MCM3: variants seen among roughly 807,000 people sequenced by gnomAD.
The protein encoded by MCM3 is minichromosome maintenance complex component 3.
In MCM3, 59 loss-of-function variants were observed where a neutral mutation model predicts 91.3. The observed-to-expected ratio is 0.65, with a 90% CI of 0.52 to 0.80. The LOEUF is 0.80. Among genes scored for constraint, MCM3 ranks in the 30% least tolerant of loss-of-function variants. The pLI, the probability that MCM3 is intolerant of heterozygous loss-of-function variation, is 0.00. For missense variants in MCM3, 919 were observed against 1,035.4 expected (o/e 0.89, Z 1.54); for synonymous variants, 383 against 379.6 (o/e 1.01, Z -0.10).
intron 15 of MCM3, 87 bp downstream of exon 15, chr6:52,266,524 C>A (rs1764654159): frequency 8.2e-7 from 1 of 1,218,842 alleles, no homozygotes; most frequent in Non-Finnish European, 1.2e-6. Flanking sequence ...AAACAGGAGT[C>A]CACAAGAAAA....
chr6:52,282,802 A>ACAAAATCCTTT lies in MCM3; in HGVS notation c.240_250dup (p.Val84GlufsTer21), dbSNP rs1334887658. On this transcript the variant is annotated frameshift_variant, in exon 3 of 17. Coordinates refer to ENST00000596288, the MANE Select transcript of MCM3 (RefSeq NM_002388.6). LOFTEE classifies it high-confidence loss of function. Reference sequence around the variant, plus strand: ...GGCATAGGTAGCATCAATGGAGGCCACAAAATCCTTTAAGGCCCGCTGGAA... The same window carrying ACAAAATCCTTT: ...GGCATAGGTAGCATCAATGGAGGCCACAAAATCCTTTCAAAATCCTTTAAGGCCCGCTGGAA... 1.2e-6 allele frequency: 2 copies of ACAAAATCCTTT among 1,614,028 alleles called. No homozygotes were observed. Among genetic ancestry groups the ACAAAATCCTTT allele is most frequent in the African/African-American group, 2.7e-5 (2 of 74,908 alleles).
intron 16 of MCM3, chr6:52,265,480 C>G (rs1043020900): frequency 5.6e-6 from 1 of 177,614 alleles, no homozygotes; most frequent in Non-Finnish European, 1.2e-5. Flanking sequence ...CGAGCTGATT[C>G]AAGCATTTTA....
intron 7 of MCM3, 88 bp from the exon 8 acceptor site, chr6:52,277,286 CAG>C (rs1382174403): frequency 5.8e-6 from 8 of 1,389,230 alleles, no homozygotes; most frequent in Non-Finnish European, 6.9e-6. Context: ...CTTGACACAA[CAG>C]AGTCACACAG....
rs780705458 is a variant in MCM3 at position 52,282,082 on chromosome 6, A to C, written c.494T>G (p.Leu165Arg). 6.2e-7 allele frequency: 1 copy of C among 1,614,098 alleles called. No homozygotes were observed. The highest frequency in any genetic ancestry group is 1.7e-5 in the Admixed American group (1 of 60,022). ...IERRYSDLTTLVAFPSSSVYP... is the reference protein window; with the variant it reads ...IERRYSDLTTRVAFPSSSVYP... The stretch of plus-strand genomic sequence containing the variant: ...GACAGAGCTGGAGGGAAAGGCCACC[A>C]GGGTGGTGAGATCAGAATAACGTCG... Residue 165 changes from leucine to arginine, a missense_variant, in exon 4 of 17, where the codon CTG (leucine) becomes CGG (arginine). Leu to Arg is a moderately radical substitution (Grantham distance 102). Around this residue, in one of 3 missense-constraint regions of MCM3, gnomAD observed 401 missense variants for 402.7 expected, o/e 1.00. Transcript: ENST00000596288.
intron 1 of MCM3, 61 bp downstream of exon 1, chr6:52,284,536 G>C (rs1766470620): frequency 6.7e-7 from 1 of 1,500,382 alleles, no homozygotes; most frequent in East Asian, 2.4e-5. Context: ...CTGGCTTCCC[G>C]GCCGGGCCGC....
At chr6:52,266,275 C>G in intron 15 of MCM3, 131 bp from the exon 16 acceptor site, 1 of 723,212 alleles carries the variant, frequency 1.4e-6, no homozygotes, top group Non-Finnish European at 2.4e-6. Flanking sequence ...TCCTAGGGTT[C>G]TTATGGGGCC....
chr6:52,265,679 T>C lies in MCM3; in HGVS notation c.2228+396A>G, dbSNP rs1482285566. Among the ~76,000 whole-genome samples the C allele has an allele frequency of 4.6e-5, 7 of 152,148 alleles. 1 individual carries two copies. The highest frequency in any genetic ancestry group is 4.6e-4 in the Admixed American group (7 of 15,278). Reference sequence around the variant, plus strand: ...GTGTCCAGTAAACAAAATTCATAGATAAAAATGTTTCCTAAAACCCTGGTG... The same window carrying C: ...GTGTCCAGTAAACAAAATTCATAGACAAAAATGTTTCCTAAAACCCTGGTG... On this transcript the variant is annotated intron_variant, in intron 16 of 16. Transcript: ENST00000596288.
At position 52,279,538 on chromosome 6, in the gene MCM3, G is replaced by A. The variant is rs1246674556; in HGVS notation, c.593C>T (p.Thr198Ile). 6 of 1,614,000 alleles carry A rather than the reference G, an allele frequency of 3.7e-6. No individual in the cohort carries two copies. Among genetic ancestry groups the A allele is most frequent in the African/African-American group, 2.7e-5 (2 of 74,906 alleles). ...CTCCGGCATCTCCTGGATGGTGATG[G>A]TCTGGTGATCCTTGTAGACAGAAAG... ...YGLSVYKDHQTITIQEMPEKA... is the reference protein window; with the variant it reads ...YGLSVYKDHQIITIQEMPEKA... Residue 198 changes from threonine to isoleucine, a missense_variant, in exon 5 of 17, where the codon ACC becomes ATC. This residue lies in a region of MCM3 where 401 missense variants were observed against 402.7 expected (regional missense o/e 1.00). Transcript: ENST00000596288.
Position 52,283,160 on chromosome 6 carries a change from G to C in MCM3, c.191+134C>G, listed in dbSNP as rs961985978. 1.7e-5 allele frequency: 11 copies of C among 640,308 alleles called. No homozygotes were observed. In the Admixed American group the frequency reaches 2.4e-4, roughly 14 times the overall value. The allele number at this position is 640,308 out of a possible 1,614,324, so 39.7% of individuals were successfully genotyped here. ...TTTGAAAAAAAAAAAAAAAAAAATA[G>C]GTGCAGGTGAGCTACGAGGGCTTGT... On this transcript the variant is annotated intron_variant, in intron 2 of 16. Transcript: ENST00000596288.
At chr6:52,277,432 G>T in intron 7 of MCM3, 103 bp downstream of exon 7, 1 of 1,256,442 alleles carries the variant, frequency 8.0e-7, no homozygotes, top group Non-Finnish European at 1.1e-6. Context: ...CCTTTGATAG[G>T]ACTGAAATAC....
intron 3 of MCM3, 98 bp downstream of exon 3, chr6:52,282,555 C>G: frequency 8.8e-7 from 1 of 1,142,512 alleles, no homozygotes; most frequent in Non-Finnish European, 1.3e-6. Flanking sequence ...TGCTCCACCT[C>G]TTTGAAGCCA....
chr6:52,270,707 A>C (rs1765059195), intron 12 of MCM3, among the ~76,000 whole-genome samples: 1 of 152,158 alleles, frequency 6.6e-6, no homozygotes, highest in Non-Finnish European at 1.5e-5. Context: ...GCTCAGTTCT[A>C]GGTTCAATGA....
At chr6:52,284,546 C>A in intron 1 of MCM3, 51 bp downstream of exon 1, 1 of 1,529,120 alleles carries the variant, frequency 6.5e-7, no homozygotes, top group Non-Finnish European at 8.8e-7. Flanking sequence ...GGCCGGGCCG[C>A]GTCCGCAGGG....
chr6:52,283,532 T>C (rs1766347520), intron 1 of MCM3, 126 bp from the exon 2 acceptor site: 1 of 696,690 alleles, frequency 1.4e-6, no homozygotes, highest in Non-Finnish European at 2.6e-6. Flanking sequence ...CCAGTAAGTA[T>C]GTGCTCATCA....
At chr6:52,282,205 T>G in intron 3 of MCM3, 30 bp from the exon 4 acceptor site, 1 of 1,612,528 alleles carries the variant, frequency 6.2e-7, no homozygotes. Flanking sequence ...ATATATAAAC[T>G]CACCCAACTA....
intron 4 of MCM3, among the ~76,000 whole-genome samples, chr6:52,279,936 T>C (rs1765931720): frequency 6.6e-6 from 1 of 152,244 alleles, no homozygotes; most frequent in South Asian, 2.1e-4. Flanking sequence ...CCATGCATTG[T>C]AATGCTCATA....
chr6:52,268,601 G>A (rs1764832106), intron 13 of MCM3, among the ~76,000 whole-genome samples: 1 of 152,114 alleles, frequency 6.6e-6, no homozygotes, highest in Non-Finnish European at 1.5e-5. Flanking sequence ...TGACAGAGGT[G>A]CAATGTCACA....
At chr6:52,272,729 T>C (rs2128278760) in intron 11 of MCM3, among the ~76,000 whole-genome samples, 1 of 152,350 alleles carries the variant, frequency 6.6e-6, no homozygotes, top group South Asian at 2.1e-4. Context: ...TCAAGTTGAC[T>C]AAAAGTTTTC....
intron 12 of MCM3, among the ~76,000 whole-genome samples, chr6:52,271,724 T>C (rs982544180): frequency 7.9e-5 from 12 of 152,252 alleles, no homozygotes; most frequent in South Asian, 2.1e-4. Context: ...AGAAATTGCT[T>C]TGAATAACCA....
Sources: allele counts gnomAD v4.1 joint callset (sites outside exome capture counted in the v4.1 genomes callset), GRCh38; gene constraint gnomAD v4.1.1; regional missense constraint gnomAD v4.1.1; transcripts MANE v1.5; gene names NCBI Gene and HGNC (gene_info 2026-07-23, HGNC 2026-07-21).